The following HNRNPD variants were observed in gnomAD, a reference collection of about 807,000 sequenced individuals.
The protein encoded by HNRNPD is heterogeneous nuclear ribonucleoprotein D, also known as heterogeneous nuclear ribonucleoprotein D0.
Under a neutral mutation model 47.9 loss-of-function variants are expected in HNRNPD, and 3 were observed. The observed-to-expected ratio is 0.06, with a 90% confidence interval of 0.03 to 0.16. The LOEUF (loss-of-function observed/expected upper bound fraction) is 0.16, where lower values mean the gene tolerates loss of function less well. Among genes scored for constraint, HNRNPD ranks in the 10% least tolerant of loss-of-function variants. The pLI is 1.00. For synonymous variants in HNRNPD, 171 were observed against 165.1 expected, an observed-to-expected ratio of 1.04 and a Z score of -0.28; for missense variants, 287 against 454.2, an observed-to-expected ratio of 0.63 and a Z score of 3.35.
rs944167260 is a variant in HNRNPD, at chr4:82,360,666, T to C, written c.291-1027A>G. 2.0e-5 allele frequency among the ~76,000 whole-genome samples: 3 copies of C among 152,068 alleles called. No homozygotes were observed. In the South Asian group the frequency reaches 6.2e-4, roughly 31 times the overall value. On this transcript the variant is annotated intron_variant, in intron 2 of 8. Coordinates refer to ENST00000313899, the MANE Select transcript of HNRNPD (RefSeq NM_031370.3). ...CTTCTTTTTAACTGGGGAAGGGTCATGGGTGGGGACTGGGATGTGACACTA... is the reference window on the plus strand; with the variant it reads ...CTTCTTTTTAACTGGGGAAGGGTCACGGGTGGGGACTGGGATGTGACACTA...
Position 82,373,569 on chromosome 4 carries a change from GC to G in HNRNPD, c.109del (p.Ala37GlnfsTer65). The G allele has an allele frequency of 6.5e-7, 1 of 1,537,166 alleles. No individual in the cohort carries two copies. ...GGCTCCGCTTCCCGCCGCCGCCGCTGCCCCCTGTGTCGCCGCCACCATGGCT... is the reference window on the plus strand; with the variant it reads ...GGCTCCGCTTCCCGCCGCCGCCGCTGCCCCTGTGTCGCCGCCACCATGGCT... ...EGAMVAATQGAAAAAGSGAGT... is the reference protein window; with the variant it reads ...EGAMVAATQGXAAAAGSGAGT... On this transcript the variant is annotated frameshift_variant, in exon 1 of 9. Coordinates refer to ENST00000313899, the MANE Select transcript of HNRNPD (RefSeq NM_031370.3). LOFTEE classifies it high-confidence loss of function.
chr4:82,359,178 T>C (rs1307886619), intron 3 of HNRNPD, among the ~76,000 whole-genome samples: 2 of 152,164 alleles, frequency 1.3e-5, no homozygotes, highest in Non-Finnish European at 2.9e-5. Flanking sequence ...CCTAACAAAA[T>C]TTCAAAATAT....
Position 82,373,746 on chromosome 4 carries a change from A to C in HNRNPD, c.-68T>G. On this transcript the variant is annotated 5_prime_UTR_variant, in exon 1 of 9. Coordinates refer to ENST00000313899, the MANE Select transcript of HNRNPD (RefSeq NM_031370.3). ...GCTGCCGCGAACCGAAACTAGCAGC[A>C]AAGTAATCCCCGCCGCTGCCGCGCG... is the stretch of plus-strand genomic sequence containing the variant. 6.5e-7 allele frequency: 1 copy of C among 1,526,996 alleles called. No homozygotes were observed. The highest frequency in any genetic ancestry group is 8.7e-7 in the Non-Finnish European group (1 of 1,143,692). 94.6% of individuals were successfully genotyped at this position (1,526,996 alleles called of 1,614,324 possible). A position where few individuals can be genotyped will look rare whatever the true frequency, so the allele number is the denominator to read the frequency against.
At position 82,373,729 on chromosome 4, in the gene HNRNPD, G is replaced by T; in HGVS notation, c.-51C>A. The T allele has an allele frequency of 6.5e-7, 1 of 1,527,080 alleles. No homozygotes were observed. Among genetic ancestry groups the T allele is most frequent in the East Asian group, 2.5e-5 (1 of 39,946 alleles). 94.6% of individuals were successfully genotyped at this position (1,527,080 alleles called of 1,614,324 possible). On this transcript the variant is annotated 5_prime_UTR_variant, in exon 1 of 9. Coordinates refer to ENST00000313899, the MANE Select transcript of HNRNPD (RefSeq NM_031370.3). ...CCGAGACTACACCCGCCGCTGCCGCGAACCGAAACTAGCAGCAAAGTAATC... is the reference window on the plus strand; with the variant it reads ...CCGAGACTACACCCGCCGCTGCCGCTAACCGAAACTAGCAGCAAAGTAATC...
chr4:82,355,047 C>CT (rs1723657741), intron 8 of HNRNPD: 7 of 463,004 alleles, frequency 1.5e-5, no homozygotes, highest in Middle Eastern at 5.9e-4. Flanking sequence ...GTAGGCAATA[C>CT]TTTTTTGCTG....
At chr4:82,371,378 T>C (rs1720039335) in intron 2 of HNRNPD, 150 bp downstream of exon 2, 1 of 520,104 alleles carries the variant, frequency 1.9e-6, no homozygotes, top group African/African-American at 1.9e-5. Context: ...ATGATGCCTA[T>C]AAAAGGTATA....
intron 2 of HNRNPD, 66 bp from the exon 3 acceptor site, chr4:82,359,705 T>C: frequency 1.9e-6 from 2 of 1,042,624 alleles, no homozygotes; most frequent in Non-Finnish European, 1.4e-6. Context: ...TCCACATCAA[T>C]AACACACCTT....
At chr4:82,371,998 T>A (rs1207722549) in intron 1 of HNRNPD, among the ~76,000 whole-genome samples, 1 of 152,170 alleles carries the variant, frequency 6.6e-6, no homozygotes, top group Non-Finnish European at 1.5e-5. Flanking sequence ...CTGGGCTTAA[T>A]AAACCCTATA....
At chr4:82,360,351 C>T (rs920174666) in intron 2 of HNRNPD, among the ~76,000 whole-genome samples, 15 of 151,870 alleles carry the variant, frequency 9.9e-5, no homozygotes, top group African/African-American at 3.6e-4. Context: ...TCCACCAAGA[C>T]ACTCTAAGAC....
chr4:82,358,572 A>T lies in HNRNPD; in HGVS notation c.621+87T>A. ...CACATAATCTACCCTAACAGCTTTG[A>T]AAAGCCAAGTGACTCTGAGTCCATA... On this transcript the variant is annotated intron_variant, in intron 4 of 8. Transcript: ENST00000313899. The T allele has an allele frequency of 5.7e-6, 7 of 1,237,894 alleles. No homozygotes were observed. In the South Asian group the frequency reaches 1.0e-4, roughly 18 times the overall value. The allele number at this position is 1,237,894 out of a possible 1,614,324, so 76.7% of individuals were successfully genotyped here. A position where few individuals can be genotyped will look rare whatever the true frequency, so the allele number is the denominator to read the frequency against.
chr4:82,373,820 C>G lies in HNRNPD; in HGVS notation c.-142G>C. 1 of 1,486,270 alleles carries G rather than the reference C, an allele frequency of 6.7e-7. No individual in the cohort carries two copies. The allele number at this position is 1,486,270 out of a possible 1,614,324, so 92.1% of individuals were successfully genotyped here. A position where few individuals can be genotyped will look rare whatever the true frequency, so the allele number is the denominator to read the frequency against. ...CAAGACAGGGAAGGCGCGCGCGTGG[C>G]TGCAAAGGCTCCTGCGCCTCTCCCT... On this transcript the variant is annotated 5_prime_UTR_variant, in exon 1 of 9. Transcript: ENST00000313899.
At chr4:82,364,170 A>C (rs1341023036) in intron 2 of HNRNPD, among the ~76,000 whole-genome samples, 1 of 151,982 alleles carries the variant, frequency 6.6e-6, no homozygotes, top group Non-Finnish European at 1.5e-5. Flanking sequence ...AGGTTTTACT[A>C]TGTCGCCCAG....
Position 82,373,811 on chromosome 4 carries a change from C to G in HNRNPD, c.-133G>C, listed in dbSNP as rs1720280817. Reference sequence around the variant, plus strand: ...CGAAGCACACAAGACAGGGAAGGCGCGCGCGTGGCTGCAAAGGCTCCTGCG... The same window carrying G: ...CGAAGCACACAAGACAGGGAAGGCGGGCGCGTGGCTGCAAAGGCTCCTGCG... On this transcript the variant is annotated 5_prime_UTR_variant, in exon 1 of 9. Coordinates refer to ENST00000313899, the MANE Select transcript of HNRNPD (RefSeq NM_031370.3). 1.3e-6 allele frequency: 2 copies of G among 1,496,236 alleles called. No homozygotes were observed. Among genetic ancestry groups the G allele is most frequent in the Non-Finnish European group, 1.8e-6 (2 of 1,125,642 alleles). 92.7% of individuals were successfully genotyped at this position (1,496,236 alleles called of 1,614,324 possible). A position where few individuals can be genotyped will look rare whatever the true frequency, so the allele number is the denominator to read the frequency against.
chr4:82,370,474 C>T (rs1719984405), intron 2 of HNRNPD, among the ~76,000 whole-genome samples: 1 of 152,124 alleles, frequency 6.6e-6, no homozygotes, highest in East Asian at 1.9e-4. Flanking sequence ...GCTGCTAGTG[C>T]CCACCACTCA....
intron 1 of HNRNPD, 129 bp from the exon 2 acceptor site, chr4:82,371,713 A>C: frequency 3.2e-6 from 2 of 632,504 alleles, no homozygotes; most frequent in Non-Finnish European, 5.5e-6. Flanking sequence ...CTGCTTTGCG[A>C]TTTGAATTAT....
At chr4:82,373,194 G>T in intron 1 of HNRNPD, 2 of 679,202 alleles carry the variant, frequency 2.9e-6, no homozygotes, top group Non-Finnish European at 5.3e-6. Context: ...AAAGGAGGGC[G>T]GGCCGAGGAG....
In HNRNPD at chr4:82,373,488, T is replaced by A. The variant is rs1239311041; in HGVS notation, c.191A>T (p.Glu64Val). The change falls in exon 1 of 9, where the codon GAG becomes GTG. Residue 64 changes from glutamate to valine, a missense_variant. By Grantham distance (121) the Glu-to-Val change is moderately radical (BLOSUM62 -2). Around this residue, in one of 5 missense-constraint regions of HNRNPD, gnomAD observed 161 missense variants for 137.1 expected, o/e 1.17. Transcript: ENST00000313899. Reference sequence around the variant, plus strand: ...CTTACTGGCGTCAATCTTCGCCCCCTCCGACTCGGCGCTGCCCCCTTCGGT... The same window carrying A: ...CTTACTGGCGTCAATCTTCGCCCCCACCGACTCGGCGCTGCCCCCTTCGGT... Reference protein sequence around the residue: ...GGTEGGSAESEGAKIDASKNE... With the variant: ...GGTEGGSAESVGAKIDASKNE... 4 of 1,553,810 alleles carry A rather than the reference T, an allele frequency of 2.6e-6. No homozygotes were observed. Among genetic ancestry groups the A allele is most frequent in the Non-Finnish European group, 3.5e-6 (4 of 1,148,216 alleles).
At chr4:82,367,009 C>A (rs992741365) in intron 2 of HNRNPD, among the ~76,000 whole-genome samples, 5 of 150,964 alleles carry the variant, frequency 3.3e-5, no homozygotes, top group South Asian at 2.1e-4. Flanking sequence ...TACAAACACA[C>A]CCCCCAACAC....
At chr4:82,370,977 TATATAC>T (rs964804316) in intron 2 of HNRNPD, among the ~76,000 whole-genome samples, 2 of 34,500 alleles carry the variant, frequency 5.8e-5, no homozygotes, top group African/African-American at 2.0e-4. Flanking sequence ...TAATGGTATA[TATATAC>T]ACACACACAC....
Sources: allele counts gnomAD v4.1 joint callset (sites outside exome capture counted in the v4.1 genomes callset), GRCh38; gene constraint gnomAD v4.1.1; regional missense constraint gnomAD v4.1.1; transcripts MANE v1.5; gene names NCBI Gene and HGNC (gene_info 2026-07-23, HGNC 2026-07-21).